Variants in FBXO15 observed in about 807,000 individuals in gnomAD.
FBXO15 encodes F-box only protein 15.
Under a neutral mutation model 49.5 loss-of-function variants are expected in FBXO15, and 30 were observed. The ratio of observed to expected loss-of-function variants is 0.61; its 90% CI spans 0.45 to 0.82. The LOEUF (loss-of-function observed/expected upper bound fraction) is 0.82. Ranked by LOEUF, FBXO15 falls within the 40% of genes least tolerant of loss-of-function variation. The pLI, the probability that FBXO15 is intolerant of heterozygous loss-of-function variation, is 0.00. For missense variants in FBXO15, 591 were observed against 631.5 expected (o/e 0.94, Z 0.69); for synonymous variants, 250 against 232.7 (o/e 1.07, Z -0.68).
intron 8 of FBXO15, among the ~76,000 whole-genome samples, chr18:74,107,539 G>A (rs1237268723): frequency 6.6e-6 from 1 of 152,120 alleles, no homozygotes; most frequent in Admixed American, 6.5e-5. Context: ...ACAGACAGGA[G>A]AATACAGAGA....
intron 8 of FBXO15, among the ~76,000 whole-genome samples, chr18:74,083,094 C>T (rs1324997241): frequency 7.9e-5 from 12 of 152,310 alleles, no homozygotes; most frequent in South Asian, 2.1e-4. Flanking sequence ...TGAAAGAGGA[C>T]GCAGAGGCAG....
intron 8 of FBXO15, among the ~76,000 whole-genome samples, chr18:74,091,537 T>C (rs1021705481): frequency 2.6e-5 from 4 of 152,208 alleles, no homozygotes; most frequent in Non-Finnish European, 4.4e-5. Context: ...TAATAGTCTT[T>C]CATGTTTACA....
intron 1 of FBXO15, among the ~76,000 whole-genome samples, chr18:74,146,574 CCTG>C (rs1303302073): frequency 2.6e-5 from 4 of 152,180 alleles, no homozygotes; most frequent in African/African-American, 7.2e-5. Context: ...TATTTAAATT[CCTG>C]CTTTTTCTCC....
rs142924291 is a variant in FBXO15 at position 74,075,933 on chromosome 18, G to T, written c.1264-2203C>A. On this transcript the variant is annotated intron_variant, in intron 9 of 9. Coordinates refer to ENST00000419743, the MANE Select transcript of FBXO15 (RefSeq NM_001142958.2). This position sits in a 1 kb window ranked among gnomAD's most constrained non-coding sequence, Gnocchi z 4.1. Reference sequence around the variant, plus strand: ...ATTCCCAAAAGTTTATCTCCAGGCCGAACTTCTTTTCTAAGTTCAAGACCT... The same window carrying T: ...ATTCCCAAAAGTTTATCTCCAGGCCTAACTTCTTTTCTAAGTTCAAGACCT... Among the ~76,000 whole-genome samples, 23 of 152,222 alleles carry T rather than the reference G, an allele frequency of 1.5e-4. No individual in the cohort carries two copies. The highest frequency in any genetic ancestry group is 2.1e-4 in the Non-Finnish European group (14 of 68,022).
At chr18:74,105,981 T>G (rs536466392) in intron 8 of FBXO15, among the ~76,000 whole-genome samples, 1 of 152,096 alleles carries the variant, frequency 6.6e-6, no homozygotes, top group African/African-American at 2.4e-5. Context: ...AATCAAGAAA[T>G]CTTTGATAAA....
At chr18:74,146,871 T>C (rs3813120) in intron 1 of FBXO15, among the ~76,000 whole-genome samples, 13,323 of 152,172 alleles carry the variant, frequency 0.088, 1,073 homozygotes, top group African/African-American at 0.21. Context: ...AAAATATGCA[T>C]GACTTTCCCT....
rs923829287 is a variant in FBXO15, at chr18:74,074,677, A to C, written c.1264-947T>G. On this transcript the variant is annotated intron_variant, in intron 9 of 9. Transcript: ENST00000419743. This position sits in a 1 kb window ranked among gnomAD's most constrained non-coding sequence, Gnocchi z 4.7. Reference sequence around the variant, plus strand: ...TGTATCCTGAAGTAAATTTAGCAGGACACAACTGTTTGTCAAAATAAAATG... The same window carrying C: ...TGTATCCTGAAGTAAATTTAGCAGGCCACAACTGTTTGTCAAAATAAAATG... Among the ~76,000 whole-genome samples the C allele has an allele frequency of 2.0e-5, 3 of 152,248 alleles. No homozygotes were observed. Among genetic ancestry groups the C allele is most frequent in the Non-Finnish European group, 4.4e-5 (3 of 68,036 alleles).
At chr18:74,120,244 G>A (rs906851922) in intron 8 of FBXO15, among the ~76,000 whole-genome samples, 14 of 152,190 alleles carry the variant, frequency 9.2e-5, no homozygotes, top group Admixed American at 5.9e-4. Flanking sequence ...CAAATTCACT[G>A]TCAGAGTTGG....
chr18:74,099,057 A>G (rs28825457), intron 8 of FBXO15: 40,515 of 152,122 alleles, frequency 0.27, 7,998 homozygotes, highest in African/African-American at 0.55. Flanking sequence ...CCCAGGAGGT[A>G]AAGGTTGCAC....
chr18:74,087,346 A>C (rs1912790419), intron 8 of FBXO15, among the ~76,000 whole-genome samples: 2 of 152,214 alleles, frequency 1.3e-5, no homozygotes, highest in African/African-American at 4.8e-5. Flanking sequence ...AGTAATAAGC[A>C]TAGTACCCGA....
chr18:74,140,946 T>C (rs183595025), intron 1 of FBXO15, among the ~76,000 whole-genome samples: 1 of 152,358 alleles, frequency 6.6e-6, no homozygotes, highest in Non-Finnish European at 1.5e-5. Context: ...ACAACTTTTC[T>C]GATCTTTGAG....
chr18:74,086,084 GTA>G (rs1912724115), intron 8 of FBXO15, among the ~76,000 whole-genome samples: 1 of 152,068 alleles, frequency 6.6e-6, no homozygotes, highest in Non-Finnish European at 1.5e-5. Context: ...TCAGAAAGGA[GTA>G]TACTGTTTCT....
At chr18:74,127,086 A>G (rs545461676) in intron 5 of FBXO15, among the ~76,000 whole-genome samples, 1 of 152,376 alleles carries the variant, frequency 6.6e-6, no homozygotes, top group African/African-American at 2.4e-5. Flanking sequence ...CTTTGCGACT[A>G]TCACAGGCTG....
intron 8 of FBXO15, among the ~76,000 whole-genome samples, chr18:74,118,124 A>G (rs1914312195): frequency 6.6e-6 from 1 of 151,976 alleles, no homozygotes; most frequent in African/African-American, 2.4e-5. Context: ...CAGCCTCTCA[A>G]GTAGCTGAGA....
At position 74,130,640 on chromosome 18, in the gene FBXO15, G is replaced by C; in HGVS notation, c.351C>G (p.Ile117Met). 6.2e-7 allele frequency: 1 copy of C among 1,613,048 alleles called. No individual in the cohort carries two copies. Among genetic ancestry groups the C allele is most frequent in the East Asian group, 2.2e-5 (1 of 44,862 alleles). Residue 117 changes from isoleucine to methionine, a missense_variant, in exon 4 of 10, where the codon ATC (isoleucine) becomes ATG (methionine). Transcript: ENST00000419743. The part of the protein sequence containing the change: ...LANDNFIWIG[I>M]YSTAFSPARS... ...TTGCAGGTGAAAAAGCAGTTGAGTAGATTCCGATCCAAATAAAACTGGAGG... is the reference window on the plus strand; with the variant it reads ...TTGCAGGTGAAAAAGCAGTTGAGTACATTCCGATCCAAATAAAACTGGAGG...
chr18:74,073,654 AG>A lies in FBXO15; in HGVS notation c.1339del (p.Leu447Ter). On this transcript the variant is annotated frameshift_variant, in exon 10 of 10. Coordinates refer to ENST00000419743, the MANE Select transcript of FBXO15 (RefSeq NM_001142958.2). LOFTEE classifies it low-confidence loss of function (END_TRUNC). ...PFWCFSSPVC[L>X]RSPATPSDSS... ...GTCAGAGGGTGTGGCAGGCGATCTC[AG>A]GCACACCGGGGAACTGAAACACCAA... 2 of 1,613,990 alleles carry A rather than the reference AG, an allele frequency of 1.2e-6. No individual in the cohort carries two copies.
rs73474814 is a variant in FBXO15, at chr18:74,079,404, G to A, written c.1263+2523C>T. On this transcript the variant is annotated intron_variant, in intron 9 of 9. Coordinates refer to ENST00000419743, the MANE Select transcript of FBXO15 (RefSeq NM_001142958.2). The stretch of plus-strand genomic sequence containing the variant: ...TCCTGCATGGATTCAGTACTAACAC[G>A]TGGCCACTGAAAGCATCTTTAAATG... Among the ~76,000 whole-genome samples, 1,188 of 152,236 alleles carry A rather than the reference G, an allele frequency of 7.8e-3. 15 individuals are homozygous for A. Among genetic ancestry groups the A allele is most frequent in the African/African-American group, 0.024 (1,011 of 41,540 alleles).
At chr18:74,093,223 T>TAAGG (rs1913125286) in intron 8 of FBXO15, among the ~76,000 whole-genome samples, 1 of 119,158 alleles carries the variant, frequency 8.4e-6, no homozygotes, top group Non-Finnish European at 1.6e-5. Context: ...GAAAGAAAGG[T>TAAGG]AAGGCAAGGT....
At chr18:74,112,739 T>C (rs930346245) in intron 8 of FBXO15, among the ~76,000 whole-genome samples, 6 of 152,212 alleles carry the variant, frequency 3.9e-5, no homozygotes, top group South Asian at 2.1e-4. Context: ...AGAGATGACA[T>C]GACCATCTTG....
Sources: allele counts gnomAD v4.1 joint callset (sites outside exome capture counted in the v4.1 genomes callset), GRCh38; gene constraint gnomAD v4.1.1; non-coding constraint Gnocchi (gnomAD v3.1); transcripts MANE v1.5; gene names NCBI Gene and HGNC (gene_info 2026-07-23, HGNC 2026-07-21).